DTNA: variants seen among roughly 807,000 people sequenced by gnomAD.
DTNA encodes the protein dystrobrevin alpha.
Under a neutral mutation model 100.7 loss-of-function variants are expected in DTNA, and 43 were observed. The observed-to-expected ratio is 0.43, with a 90% CI of 0.33 to 0.55. The LOEUF is 0.55. Ranked by LOEUF, DTNA falls within the 20% of genes least tolerant of loss-of-function variation. The pLI, the probability that DTNA is intolerant of heterozygous loss-of-function variation, is 0.04. For missense variants in DTNA, 798 were observed against 953.9 expected (o/e 0.84, Z 2.15); for synonymous variants, 349 against 347.9 (o/e 1.00, Z -0.04).
intron 1 of DTNA, among the ~76,000 whole-genome samples, chr18:34,537,919 A>C (rs1313395484): frequency 1.3e-5 from 2 of 152,074 alleles, no homozygotes; most frequent in Non-Finnish European, 2.9e-5. Context: ...ATAACTTTAA[A>C]ATCATTAGAG....
intron 3 of DTNA, among the ~76,000 whole-genome samples, chr18:34,781,225 AT>A (rs1290434549): frequency 3.3e-5 from 5 of 152,134 alleles, no homozygotes; most frequent in Non-Finnish European, 7.3e-5. Context: ...CTTCATCACT[AT>A]TTTTCATGGG....
chr18:34,497,403 G>A (rs1246243247), intron 1 of DTNA, among the ~76,000 whole-genome samples: 1 of 151,992 alleles, frequency 6.6e-6, no homozygotes, highest in Non-Finnish European at 1.5e-5. Context: ...GTCATTCTGT[G>A]GTCTCTATAT....
chr18:34,512,498 A>T (rs1400455468), intron 1 of DTNA, among the ~76,000 whole-genome samples: 2 of 152,080 alleles, frequency 1.3e-5, no homozygotes, highest in East Asian at 3.9e-4. Flanking sequence ...GTCTGCCACT[A>T]GCAGTCCCTG....
intron 1 of DTNA, among the ~76,000 whole-genome samples, chr18:34,564,835 G>A (rs758880638): frequency 5.9e-5 from 9 of 152,152 alleles, no homozygotes; most frequent in Non-Finnish European, 8.8e-5. Flanking sequence ...AGGGTTAATT[G>A]GAGTGTGGGC....
In DTNA at chr18:34,881,437, CTTTT is replaced by C. The variant is rs752828928; in HGVS notation, c.2163-610_2163-607del. On this transcript the variant is annotated intron_variant, in intron 20 of 22. Coordinates refer to ENST00000444659, the MANE Select transcript of DTNA (RefSeq NM_001386795.1). ...ATAGTGGAATTGGATAATTAAAATG[CTTTT>C]TTTTTTTTTTTTTTTTTTTTTCAGA... is the stretch of plus-strand genomic sequence containing the variant. 6.3e-3 allele frequency among the ~76,000 whole-genome samples: 324 copies of C among 51,370 alleles called. 3 individuals carry two copies. Among genetic ancestry groups the C allele is most frequent in the African/African-American group, 0.025 (304 of 11,930 alleles). 33.7% of individuals were successfully genotyped at this position (51,370 alleles called of 152,430 possible).
intron 1 of DTNA, among the ~76,000 whole-genome samples, chr18:34,525,621 A>G (rs17554926): frequency 0.078 from 11,942 of 152,188 alleles, 658 homozygotes; most frequent in Non-Finnish European, 0.12. Context: ...ATATTCCACA[A>G]TAGATTGTTT....
At chr18:34,555,332 G>A (rs1365950244) in intron 1 of DTNA, among the ~76,000 whole-genome samples, 1 of 149,076 alleles carries the variant, frequency 6.7e-6, no homozygotes, top group Non-Finnish European at 1.5e-5. Flanking sequence ...ACCAGCTCCT[G>A]GATTCATTAA....
intron 1 of DTNA, among the ~76,000 whole-genome samples, chr18:34,648,418 G>A (rs1026443944): frequency 6.6e-6 from 1 of 152,280 alleles, no homozygotes; most frequent in East Asian, 1.9e-4. Context: ...GAGACTATTG[G>A]AAATCATCCA....
intron 17 of DTNA, chr18:34,866,481 C>T: frequency 8.3e-7 from 1 of 1,204,560 alleles, no homozygotes; most frequent in Non-Finnish European, 1.0e-6. Context: ...CAGAGAGATA[C>T]CACAGTCACT....
At chr18:34,842,107 C>T (rs1350903203) in intron 13 of DTNA, among the ~76,000 whole-genome samples, 2 of 152,118 alleles carry the variant, frequency 1.3e-5, no homozygotes, top group Non-Finnish European at 2.9e-5. Flanking sequence ...TCCCCCAAAG[C>T]TTGTCAAATT....
At chr18:34,509,508 C>G (rs1444052217) in intron 1 of DTNA, among the ~76,000 whole-genome samples, 2 of 151,998 alleles carry the variant, frequency 1.3e-5, no homozygotes, top group African/African-American at 4.8e-5. Context: ...AACCCAAACA[C>G]TGTAAAAATA....
Position 34,821,599 on chromosome 18 carries a change from G to A in DTNA, c.1001+684G>A, listed in dbSNP as rs1296539370. On this transcript the variant is annotated intron_variant, in intron 9 of 22. Coordinates refer to ENST00000444659, the MANE Select transcript of DTNA (RefSeq NM_001386795.1). ...CCTGGGTGGCCAAGATAACAAGGGG[G>A]CTTAGGTAGAAGAAACAATTTTTTC... The A allele has an allele frequency of 1.2e-5, 5 of 426,888 alleles. No individual in the cohort carries two copies. The Admixed American group carries it at 1.4e-4, about 12-fold the overall frequency. 26.4% of individuals were successfully genotyped at this position (426,888 alleles called of 1,614,324 possible). A position where few individuals can be genotyped will look rare whatever the true frequency, so the allele number is the denominator to read the frequency against.
At chr18:34,630,130 A>G (rs918027635) in intron 1 of DTNA, among the ~76,000 whole-genome samples, 31 of 152,112 alleles carry the variant, frequency 2.0e-4, no homozygotes, top group Admixed American at 4.6e-4. Context: ...TACTTGTTGA[A>G]GAGTTCAGAA....
intron 1 of DTNA, among the ~76,000 whole-genome samples, chr18:34,616,865 G>C (rs2055396642): frequency 6.6e-6 from 1 of 152,000 alleles, no homozygotes; most frequent in Admixed American, 6.6e-5. Context: ...GTATTCTTAG[G>C]TATTTTATCT....
intron 4 of DTNA, among the ~76,000 whole-genome samples, chr18:34,797,298 G>C (rs144695186): frequency 6.6e-6 from 1 of 152,150 alleles, no homozygotes; most frequent in African/African-American, 2.4e-5. Flanking sequence ...TTTTTAAGGC[G>C]TCTAGTGGAA....
At chr18:34,819,317 A>G (rs534543634) in intron 8 of DTNA, among the ~76,000 whole-genome samples, 1 of 152,330 alleles carries the variant, frequency 6.6e-6, no homozygotes, top group Admixed American at 6.5e-5. Flanking sequence ...TAAATATACT[A>G]GTACTTCATC....
At chr18:34,686,474 T>C (rs976985487) in intron 1 of DTNA, among the ~76,000 whole-genome samples, 1 of 152,206 alleles carries the variant, frequency 6.6e-6, no homozygotes, top group Non-Finnish European at 1.5e-5. Context: ...CAGCCTTGCA[T>C]CCCAGGATGA....
In DTNA at chr18:34,761,126, TCACA is replaced by T. The variant is rs6146260; in HGVS notation, c.68-4794_68-4791del. Reference sequence around the variant, plus strand: ...GTATCTCTCTCTCTCCCTCCATCCTTCACACACACACACACACACACACACACAC... The same window carrying T: ...GTATCTCTCTCTCTCCCTCCATCCTTCACACACACACACACACACACACAC... On this transcript the variant is annotated intron_variant, in intron 2 of 22. Transcript: ENST00000444659. 3.5e-3 allele frequency among the ~76,000 whole-genome samples: 516 copies of T among 149,260 alleles called. 3 individuals carry two copies. The highest frequency in any genetic ancestry group is 8.6e-3 in the African/African-American group (346 of 40,010).
intron 15 of DTNA, among the ~76,000 whole-genome samples, chr18:34,856,295 C>G (rs2096552032): frequency 6.6e-6 from 1 of 152,148 alleles, no homozygotes; most frequent in Admixed American, 6.5e-5. Context: ...ACCATGGAAA[C>G]CCACCCAGGG....
Sources: allele counts gnomAD v4.1 joint callset (sites outside exome capture counted in the v4.1 genomes callset), GRCh38; gene constraint gnomAD v4.1.1; transcripts MANE v1.5; gene names NCBI Gene and HGNC (gene_info 2026-07-23, HGNC 2026-07-21).